Variants in KIF26B observed in about 807,000 individuals in gnomAD.
KIF26B encodes the protein kinesin family member 26B.
KIF26B carries 63 observed loss-of-function variants against 151.2 expected under a neutral mutation model. The ratio of observed to expected loss-of-function variants is 0.42; its 90% confidence interval spans 0.34 to 0.51. The LOEUF (loss-of-function observed/expected upper bound fraction) is 0.51, where lower values mean the gene tolerates loss of function less well. KIF26B is among the 20% of genes least tolerant of loss of function. The probability of loss-of-function intolerance (pLI) is 0.07; values close to 1 mark genes in which losing one functional copy is unlikely to be tolerated. For synonymous variants in KIF26B, 1,357 were observed against 1,262.1 expected, an observed-to-expected ratio of 1.08 and a Z score of -1.59; for missense variants, 2,813 against 2,913.6, an observed-to-expected ratio of 0.97 and a Z score of 0.79.
chr1:245,325,257 G>A (rs760587068), intron 2 of KIF26B, among the ~76,000 whole-genome samples: 2 of 151,914 alleles, frequency 1.3e-5, no homozygotes, highest in Non-Finnish European at 2.9e-5. Context: ...CAGGATTCAC[G>A]ATCTTGACCT....
intron 5 of KIF26B, among the ~76,000 whole-genome samples, chr1:245,594,330 T>C (rs1284923287): frequency 6.6e-6 from 1 of 152,250 alleles, no homozygotes; most frequent in Non-Finnish European, 1.5e-5. Flanking sequence ...TAATCCAACT[T>C]GAGTTACTTT....
chr1:245,394,707 T>TTTTTA (rs1673786437), intron 3 of KIF26B, among the ~76,000 whole-genome samples: 4 of 145,954 alleles, frequency 2.7e-5, no homozygotes, highest in Middle Eastern at 3.2e-3. Flanking sequence ...TTTTTTTTTT[T>TTTTTA]GAGATGGAGT....
At chr1:245,173,372 G>T (rs559452008) in intron 2 of KIF26B, among the ~76,000 whole-genome samples, 1 of 152,102 alleles carries the variant, frequency 6.6e-6, no homozygotes, top group African/African-American at 2.4e-5. Flanking sequence ...TTTACTGGGC[G>T]CACACACACG....
chr1:245,640,143 C>CTCTCTCTCTATA, intron 9 of KIF26B, among the ~76,000 whole-genome samples: 1 of 31,934 alleles, frequency 3.1e-5, no homozygotes, highest in Non-Finnish European at 5.9e-5. Flanking sequence ...CTCTCTCTCT[C>CTCTCTCTCTATA]TATATATATA....
intron 9 of KIF26B, among the ~76,000 whole-genome samples, chr1:245,613,137 A>C (rs1010937032): frequency 6.6e-6 from 1 of 152,096 alleles, no homozygotes; most frequent in African/African-American, 2.4e-5. Flanking sequence ...CTTTCAATAC[A>C]CAGGCAACTG....
chr1:245,586,622 G>A lies in KIF26B; in HGVS notation c.1351-15955G>A, dbSNP rs939218275. On this transcript the variant is annotated intron_variant, in intron 5 of 14. Coordinates refer to ENST00000407071, the MANE Select transcript of KIF26B (RefSeq NM_018012.4). The stretch of plus-strand genomic sequence containing the variant: ...AAACAGGCCGGGCGCGGTGGCTCAC[G>A]CCTGTAATCCCAGCACTTTGGGAGG... Among the ~76,000 whole-genome samples, 27 of 152,002 alleles carry A rather than the reference G, an allele frequency of 1.8e-4. 1 individual carries two copies. The highest frequency in any genetic ancestry group is 3.2e-3 in the Middle Eastern group (1 of 316).
chr1:245,550,835 G>C (rs1358259892), intron 5 of KIF26B, among the ~76,000 whole-genome samples: 1 of 152,156 alleles, frequency 6.6e-6, no homozygotes, highest in Non-Finnish European at 1.5e-5. Flanking sequence ...GCCCAGAAGA[G>C]TTTACAACAA....
At chr1:245,640,159 A>ATATATATATATATATATATATG (rs1168172493) in intron 9 of KIF26B, among the ~76,000 whole-genome samples, 44 of 34,328 alleles carry the variant, frequency 1.3e-3, no homozygotes, top group Admixed American at 6.2e-3. Context: ...ATATATATAT[A>ATATATATATATATATATATATG]TACCCTGCTA....
Position 245,287,486 on chromosome 1 carries a change from ATCTC to A in KIF26B, c.466-79338_466-79335del, listed in dbSNP as rs869262948. Among the ~76,000 whole-genome samples the A allele has an allele frequency of 9.6e-3, 1,308 of 135,854 alleles. 156 individuals carry two copies. Among genetic ancestry groups the A allele is most frequent in the Middle Eastern group, 0.035 (8 of 228 alleles). The allele number at this position is 135,854 out of a possible 152,430, so 89.1% of individuals were successfully genotyped here. ...TGATCTGAGGGTCCCTGTGTGTCTCATCTCTCTCTCTCTTTTTTTTTTTTTTTTT... is the reference window on the plus strand; with the variant it reads ...TGATCTGAGGGTCCCTGTGTGTCTCATCTCTCTCTTTTTTTTTTTTTTTTT... On this transcript the variant is annotated intron_variant, in intron 2 of 14. Coordinates refer to ENST00000407071, the MANE Select transcript of KIF26B (RefSeq NM_018012.4).
intron 4 of KIF26B, chr1:245,510,857 G>A (rs1660819860): frequency 9.3e-6 from 5 of 538,788 alleles, no homozygotes; most frequent in Non-Finnish European, 1.6e-5. Flanking sequence ...GTGGCTGGGA[G>A]CTCAGTGAGG....
intron 5 of KIF26B, among the ~76,000 whole-genome samples, chr1:245,554,727 G>T (rs1006640604): frequency 9.9e-5 from 15 of 152,164 alleles, no homozygotes; most frequent in African/African-American, 3.6e-4. Context: ...CATACTGCAT[G>T]GTGAGGACAG....
chr1:245,389,386 TACAGGCGTGAGCCACCAC>T (rs1673631431), intron 3 of KIF26B, among the ~76,000 whole-genome samples: 1 of 151,328 alleles, frequency 6.6e-6, no homozygotes, highest in Non-Finnish European at 1.5e-5. Flanking sequence ...GTGCTAGGAT[TACAGGCGTGAGCCACCAC>T]TCCTGGCCAA....
At chr1:245,187,920 C>T (rs1166928756) in intron 2 of KIF26B, among the ~76,000 whole-genome samples, 2 of 151,996 alleles carry the variant, frequency 1.3e-5, no homozygotes, top group Non-Finnish European at 1.5e-5. Context: ...TTTTTCTGAT[C>T]TTGAGGAAAT....
In KIF26B at chr1:245,627,966, T is replaced by A. The variant is rs1014869730; in HGVS notation, c.2098+15990T>A. Among the ~76,000 whole-genome samples, 3 of 151,562 alleles carry A rather than the reference T, an allele frequency of 2.0e-5. No individual in the cohort carries two copies. The South Asian group carries it at 6.3e-4, about 32-fold the overall frequency. ...AATCCCTGAATAGACCAATAACGAG[T>A]TCTGAAATTGAGGCAGTAATTAATA... On this transcript the variant is annotated intron_variant, in intron 9 of 14. Transcript: ENST00000407071.
chr1:245,172,151 C>T (rs918139458), intron 2 of KIF26B, among the ~76,000 whole-genome samples: 3 of 152,204 alleles, frequency 2.0e-5, no homozygotes, highest in Non-Finnish European at 4.4e-5. Flanking sequence ...TGTGTCTAGA[C>T]TTGGTGGTGG....
At chr1:245,369,853 G>A (rs923226717) in intron 3 of KIF26B, among the ~76,000 whole-genome samples, 4 of 152,184 alleles carry the variant, frequency 2.6e-5, no homozygotes, top group African/African-American at 9.7e-5. Flanking sequence ...TAGACTTTTG[G>A]ATAGAATCTT....
chr1:245,321,127 A>C (rs1671879868), intron 2 of KIF26B, among the ~76,000 whole-genome samples: 1 of 152,176 alleles, frequency 6.6e-6, no homozygotes, highest in Admixed American at 6.6e-5. Flanking sequence ...TCACTACCCT[A>C]AAGCCCCCTG....
chr1:245,500,039 T>C (rs1490487773), intron 4 of KIF26B, among the ~76,000 whole-genome samples: 1 of 152,212 alleles, frequency 6.6e-6, no homozygotes, highest in Non-Finnish European at 1.5e-5. Context: ...ATCAATGAGA[T>C]TGCAGACAGT....
chr1:245,412,740 C>T (rs1674316831), intron 3 of KIF26B, among the ~76,000 whole-genome samples: 1 of 152,122 alleles, frequency 6.6e-6, no homozygotes, highest in Non-Finnish European at 1.5e-5. Context: ...TCAGTGTAGA[C>T]ATTTAAATGT....
Sources: gnomAD v4.1 joint callset for allele counts (sites outside exome capture counted in the v4.1 genomes callset) on GRCh38, gnomAD v4.1.1 for gene constraint, MANE v1.5 for transcripts, NCBI Gene and HGNC (gene_info 2026-07-23, HGNC 2026-07-21) for gene names.